TJP2: variants seen among roughly 807,000 people sequenced by gnomAD.
TJP2 encodes Friedreich ataxia region gene X104 (tight junction protein ZO-2).
A neutral mutation model predicts 133.1 loss-of-function variants in TJP2; 91 were observed. The observed-to-expected ratio is 0.68, with a 90% CI of 0.58 to 0.81. The LOEUF (loss-of-function observed/expected upper bound fraction) is 0.81, where lower values mean the gene tolerates loss of function less well. Ranked by LOEUF, TJP2 falls within the 40% of genes least tolerant of loss-of-function variation. The pLI is 0.00. For synonymous variants in TJP2, 592 were observed against 583.4 expected (o/e 1.01, Z -0.21); for missense variants, 1,541 against 1,565.6 (o/e 0.98, Z 0.26).
At chr9:69,167,986 G>C (rs1182467172) in intron 2 of TJP2, among the ~76,000 whole-genome samples, 1 of 152,142 alleles carries the variant, frequency 6.6e-6, no homozygotes, top group Admixed American at 6.5e-5. Context: ...CGCAATTACT[G>C]TTGCACCAAC....
intron 19 of TJP2, 70 bp downstream of exon 19, chr9:69,248,294 G>A: frequency 6.6e-7 from 1 of 1,523,074 alleles, no homozygotes; most frequent in Non-Finnish European, 8.8e-7. Flanking sequence ...GTGGACAGCT[G>A]TGTGTTCAGG....
At chr9:69,211,053 T>C (rs1407569849) in intron 1 of TJP2, among the ~76,000 whole-genome samples, 2 of 152,128 alleles carry the variant, frequency 1.3e-5, no homozygotes, top group Non-Finnish European at 1.5e-5. Context: ...CATAAACACA[T>C]AGTCCGGGTG....
rs149873188 is a variant in TJP2, at chr9:69,126,018, A to G, written c.-131+4293A>G. Among the ~76,000 whole-genome samples, 108 of 76,044 alleles carry G rather than the reference A, an allele frequency of 1.4e-3. 35 individuals carry two copies. Among genetic ancestry groups the G allele is most frequent in the African/African-American group, 4.2e-3 (106 of 25,054 alleles). 49.9% of individuals were successfully genotyped at this position (76,044 alleles called of 152,430 possible). A position where few individuals can be genotyped will look rare whatever the true frequency, so the allele number is the denominator to read the frequency against. On this transcript the variant is annotated intron_variant, in intron 1 of 5. Transcript: ENST00000423935. ...TGAGCATGGTATTTCTTTTTTTCTC[A>G]TTTTACGGAAGAGAAAATTGAGGCC...
At chr9:69,151,928 A>G (rs1219692003) in intron 2 of TJP2, among the ~76,000 whole-genome samples, 2 of 152,200 alleles carry the variant, frequency 1.3e-5, no homozygotes, top group Non-Finnish European at 2.9e-5. Flanking sequence ...GTAATGTCCT[A>G]TTTACCAAAG....
At chr9:69,248,662 A>G (rs750792647) in intron 19 of TJP2, 1 of 1,045,706 alleles carries the variant, frequency 9.6e-7, no homozygotes, top group Non-Finnish European at 1.1e-6. Context: ...GTGTTTCCCC[A>G]TCAGTTTCCT....
intron 1 of TJP2, among the ~76,000 whole-genome samples, chr9:69,134,542 C>T (rs1184955001): frequency 6.6e-6 from 1 of 152,116 alleles, no homozygotes; most frequent in Non-Finnish European, 1.5e-5. Flanking sequence ...AAGCAGTGGT[C>T]ACTGGCACCT....
chr9:69,180,381 T>C (rs1825410704), intron 1 of TJP2, among the ~76,000 whole-genome samples: 1 of 152,226 alleles, frequency 6.6e-6, no homozygotes, highest in South Asian at 2.1e-4. Flanking sequence ...TAGTCATCAG[T>C]AGGAATTAAC....
intron 1 of TJP2, among the ~76,000 whole-genome samples, chr9:69,211,218 T>A (rs1827884738): frequency 6.6e-6 from 1 of 152,086 alleles, no homozygotes; most frequent in African/African-American, 2.4e-5. Flanking sequence ...GCACCTGTAA[T>A]CCTAGCTACC....
rs187917880 is a variant in TJP2 at position 69,236,689 on chromosome 9, T to C, written c.1992-260T>C. On this transcript the variant is annotated intron_variant, in intron 13 of 22. Coordinates refer to ENST00000377245, the MANE Select transcript of TJP2 (RefSeq NM_004817.4). ...GAGCAGGAGTTCCAGGTGTGTGTAC[T>C]GTGTACCTGCATATCAGAATGGGCC... is the stretch of plus-strand genomic sequence containing the variant. 3.3e-5 allele frequency among the ~76,000 whole-genome samples: 5 copies of C among 152,302 alleles called. No individual in the cohort carries two copies. The East Asian group carries it at 9.7e-4, about 29-fold the overall frequency.
chr9:69,249,393 C>G lies in TJP2; in HGVS notation c.2899C>G (p.Pro967Ala), dbSNP rs202218094. Residue 967 changes from proline to alanine, a missense_variant, in exon 20 of 23, where the codon CCA (proline) becomes GCA (alanine). Physicochemically the swap from Pro to Ala is conservative, Grantham distance 27 (BLOSUM62 -1). Transcript: ENST00000377245. ...CTTGTAGAGCATAAGGAAACCCAGC[C>G]CAGAGCCACGAGCTCAGATGAGGAG... The part of the protein sequence containing the change: ...QHEESIRKPS[P>A]EPRAQMRRAA... 10 of 1,610,694 alleles carry G rather than the reference C, an allele frequency of 6.2e-6. No individual in the cohort carries two copies. Among genetic ancestry groups the G allele is most frequent in the African/African-American group, 1.3e-5 (1 of 74,874 alleles).
intron 1 of TJP2, among the ~76,000 whole-genome samples, chr9:69,195,379 A>C (rs1044819651): frequency 2.0e-5 from 3 of 151,914 alleles, no homozygotes; most frequent in African/African-American, 7.3e-5. Flanking sequence ...GTGTATCAGA[A>C]CTAGGAACAT....
At chr9:69,181,235 A>G (rs1473515020) in intron 1 of TJP2, among the ~76,000 whole-genome samples, 3 of 132,252 alleles carry the variant, frequency 2.3e-5, no homozygotes. Context: ...TCTAGTTTGC[A>G]ATTTCTTTTT....
At chr9:69,143,251 C>CT (rs1460062239) in intron 1 of TJP2, among the ~76,000 whole-genome samples, 1 of 152,150 alleles carries the variant, frequency 6.6e-6, no homozygotes, top group African/African-American at 2.4e-5. Context: ...AAAAATGAAA[C>CT]TTTAAAACAT....
At chr9:69,199,499 C>T (rs961558800) in intron 1 of TJP2, among the ~76,000 whole-genome samples, 6 of 152,102 alleles carry the variant, frequency 3.9e-5, no homozygotes, top group African/African-American at 1.4e-4. Context: ...CACTGCACTC[C>T]AGCCTGGGCG....
At chr9:69,216,591 A>G in intron 3 of TJP2, 128 bp downstream of exon 3, 1 of 1,058,144 alleles carries the variant, frequency 9.5e-7, no homozygotes, top group Non-Finnish European at 1.3e-6. Flanking sequence ...TAATATTTGA[A>G]AAGTCTTCAA....
intron 1 of TJP2, among the ~76,000 whole-genome samples, chr9:69,133,706 A>G: frequency 6.6e-6 from 1 of 151,678 alleles, no homozygotes; most frequent in East Asian, 1.9e-4. Context: ...GTGCACCATC[A>G]TGCCCAGCTA....
At chr9:69,168,009 A>T (rs1196040680) in intron 2 of TJP2, among the ~76,000 whole-genome samples, 2 of 152,238 alleles carry the variant, frequency 1.3e-5, no homozygotes, top group Non-Finnish European at 2.9e-5. Flanking sequence ...AAAATAATTG[A>T]AAAGTGGCAA....
intron 7 of TJP2, among the ~76,000 whole-genome samples, chr9:69,226,472 A>G (rs1038786396): frequency 3.3e-5 from 5 of 152,210 alleles, no homozygotes; most frequent in Non-Finnish European, 5.9e-5. Flanking sequence ...TCAAAGAACT[A>G]ACCATATCAT....
At chr9:69,253,022 CTGTT>C (rs1181322430) in intron 22 of TJP2, 122 bp downstream of exon 22, 5 of 845,662 alleles carry the variant, frequency 5.9e-6, no homozygotes, top group Middle Eastern at 3.0e-4. Flanking sequence ...CACAGATTGA[CTGTT>C]TGCCTTACTC....
Sources: gnomAD v4.1 joint callset for allele counts (sites outside exome capture counted in the v4.1 genomes callset) on GRCh38, gnomAD v4.1.1 for gene constraint, MANE v1.5 for transcripts, NCBI Gene and HGNC (gene_info 2026-07-23, HGNC 2026-07-21) for gene names.